The following CSMD1 variants were observed in gnomAD, a reference collection of about 807,000 sequenced individuals.
The protein encoded by CSMD1 is CUB and sushi domain-containing protein 1.
CSMD1 carries 213 observed loss-of-function variants against 417.5 expected under a neutral mutation model. That is an observed-to-expected ratio of 0.51 (90% CI 0.46 to 0.57). The LOEUF is 0.57. CSMD1 is among the 20% of genes least tolerant of loss of function. The pLI is 0.00. For synonymous variants in CSMD1, 2,862 were observed against 1,736.8 expected (o/e 1.65, Z -16.11); for missense variants, 6,923 against 4,529.7 (o/e 1.53, Z -15.17).
intron 5 of CSMD1, among the ~76,000 whole-genome samples, chr8:3,901,815 A>T (rs953657396): frequency 6.6e-6 from 1 of 152,196 alleles, no homozygotes; most frequent in Non-Finnish European, 1.5e-5. Context: ...GGGTGTTCAC[A>T]AGTATTCTTT....
chr8:4,806,206 G>C (rs1585130018), intron 1 of CSMD1, among the ~76,000 whole-genome samples: 1 of 152,182 alleles, frequency 6.6e-6, no homozygotes, highest in South Asian at 2.1e-4. Context: ...ACAACCACCA[G>C]CTCTCTAGGT....
chr8:3,048,013 T>A (rs1409128044), intron 50 of CSMD1, among the ~76,000 whole-genome samples: 3 of 152,206 alleles, frequency 2.0e-5, no homozygotes, highest in African/African-American at 7.2e-5. Context: ...AACAGGCACA[T>A]GTGCGAGAAA....
chr8:3,801,163 A>T (rs1035864498), intron 5 of CSMD1, among the ~76,000 whole-genome samples: 1 of 152,152 alleles, frequency 6.6e-6, no homozygotes, highest in East Asian at 1.9e-4. Context: ...GATACCACCA[A>T]GAAAAGATAG....
intron 7 of CSMD1, among the ~76,000 whole-genome samples, chr8:3,685,727 C>A (rs1401591401): frequency 1.7e-5 from 2 of 119,676 alleles, no homozygotes; most frequent in South Asian, 2.5e-4. Context: ...GGGTCAATTT[C>A]TTTCTTTTTT....
At chr8:3,359,646 A>G (rs1342470401) in intron 20 of CSMD1, among the ~76,000 whole-genome samples, 1 of 152,094 alleles carries the variant, frequency 6.6e-6, no homozygotes, top group Non-Finnish European at 1.5e-5. Flanking sequence ...GGATACAAGG[A>G]TACAGTTAGA....
At chr8:4,852,745 C>A (rs1801550491) in intron 1 of CSMD1, among the ~76,000 whole-genome samples, 1 of 152,008 alleles carries the variant, frequency 6.6e-6, no homozygotes, top group Admixed American at 6.6e-5. Flanking sequence ...TGGTTATAAC[C>A]AAAATGCTGA....
chr8:4,697,236 C>A (rs1012865302), intron 1 of CSMD1, among the ~76,000 whole-genome samples: 5 of 152,022 alleles, frequency 3.3e-5, no homozygotes, highest in Non-Finnish European at 7.4e-5. Flanking sequence ...GATTCTAGAA[C>A]AGAACCTTGC....
At chr8:3,948,455 G>T (rs551243456) in intron 5 of CSMD1, among the ~76,000 whole-genome samples, 1 of 152,050 alleles carries the variant, frequency 6.6e-6, no homozygotes, top group African/African-American at 2.4e-5. Flanking sequence ...CTTTGAATGT[G>T]ACCCTTCTTT....
At chr8:3,517,308 G>A (rs1797322426) in intron 10 of CSMD1, among the ~76,000 whole-genome samples, 1 of 152,146 alleles carries the variant, frequency 6.6e-6, no homozygotes, top group Non-Finnish European at 1.5e-5. Context: ...GAAGAGGGCT[G>A]GCAGAGAACA....
At chr8:4,530,054 A>G (rs931791337) in intron 2 of CSMD1, among the ~76,000 whole-genome samples, 1 of 151,894 alleles carries the variant, frequency 6.6e-6, no homozygotes, top group African/African-American at 2.4e-5. Flanking sequence ...AGCTGGGACT[A>G]CAGGTGCCCG....
At chr8:3,775,070 G>C (rs867262878) in intron 5 of CSMD1, among the ~76,000 whole-genome samples, 1 of 152,134 alleles carries the variant, frequency 6.6e-6, no homozygotes, top group Non-Finnish European at 1.5e-5. Context: ...TAAAACTTAC[G>C]AATTGTTTGT....
At chr8:4,925,678 C>T (rs185066579) in intron 1 of CSMD1, among the ~76,000 whole-genome samples, 2 of 152,044 alleles carry the variant, frequency 1.3e-5, no homozygotes, top group African/African-American at 4.8e-5. Context: ...TCCCAAGTAG[C>T]TGGGACTACA....
intron 3 of CSMD1, among the ~76,000 whole-genome samples, chr8:4,050,219 G>C (rs1028549140): frequency 4.6e-5 from 7 of 152,046 alleles, no homozygotes; most frequent in African/African-American, 1.4e-4. Flanking sequence ...GGTCGTGTTT[G>C]TCAGTTTCTC....
chr8:2,991,774 TG>T (rs1276624055), intron 54 of CSMD1, among the ~76,000 whole-genome samples: 1 of 152,244 alleles, frequency 6.6e-6, no homozygotes, highest in African/African-American at 2.4e-5. Flanking sequence ...ATTTGGTCTA[TG>T]GCTGTATTTC....
chr8:4,517,291 G>GT (rs1803176630), intron 2 of CSMD1, among the ~76,000 whole-genome samples: 1 of 152,216 alleles, frequency 6.6e-6, no homozygotes, highest in South Asian at 2.1e-4. Flanking sequence ...GATAAAAGCT[G>GT]TATGTCGTGA....
chr8:4,127,470 A>G (rs938434352), intron 3 of CSMD1, among the ~76,000 whole-genome samples: 43 of 150,604 alleles, frequency 2.9e-4, no homozygotes, highest in Admixed American at 9.9e-4. Flanking sequence ...AAAAAAAAAA[A>G]AAAAAAAAAG....
At chr8:3,082,357 T>C (rs756593204) in intron 49 of CSMD1, among the ~76,000 whole-genome samples, 2 of 152,212 alleles carry the variant, frequency 1.3e-5, no homozygotes, top group Non-Finnish European at 2.9e-5. Flanking sequence ...TGAGATTTCC[T>C]ATGGGCTGCT....
intron 3 of CSMD1, among the ~76,000 whole-genome samples, chr8:4,320,074 C>T (rs1170659498): frequency 1.3e-5 from 2 of 152,088 alleles, no homozygotes; most frequent in East Asian, 1.9e-4. Flanking sequence ...GTTGGTTTTA[C>T]CCAACAAACA....
chr8:3,137,386 T>G (rs781449819), intron 41 of CSMD1, among the ~76,000 whole-genome samples: 9 of 152,192 alleles, frequency 5.9e-5, no homozygotes, highest in Non-Finnish European at 1.2e-4. Context: ...TCCCTTAGCA[T>G]CAGGGGGAAT....
Sources: allele counts gnomAD v4.1 joint callset (sites outside exome capture counted in the v4.1 genomes callset), GRCh38; gene constraint gnomAD v4.1.1; transcripts MANE v1.5; gene names NCBI Gene and HGNC (gene_info 2026-07-23, HGNC 2026-07-21).